VGLL4: variants seen among roughly 807,000 people sequenced by gnomAD.
The protein encoded by VGLL4 is vestigial like family member 4.
A neutral mutation model predicts 21.0 loss-of-function variants in VGLL4; 7 were observed. That is an observed-to-expected ratio of 0.33 (90% CI 0.19 to 0.63). The LOEUF (loss-of-function observed/expected upper bound fraction) is 0.63. Ranked by LOEUF, VGLL4 falls within the 20% of genes least tolerant of loss-of-function variation. VGLL4 has a pLI of 0.78. For missense variants in VGLL4, 394 were observed against 425.7 expected (o/e 0.93, Z 0.66); for synonymous variants, 222 against 173.2 (o/e 1.28, Z -2.21).
chr3:11,643,529 A>G lies in VGLL4; in HGVS notation c.-11T>C. 1.9e-6 allele frequency: 3 copies of G among 1,614,038 alleles called. No individual in the cohort carries two copies. The highest frequency in any genetic ancestry group is 2.5e-6 in the Non-Finnish European group (3 of 1,179,892). On this transcript the variant is annotated 5_prime_UTR_variant, in exon 1 of 5. Transcript: ENST00000430365. ...CTTCATAAATAGCATTTATTGGGCT[A>G]GCAAAGAAAACCAGCTCTTTGCTTT...
At chr3:11,628,648 G>A (rs9841999) in intron 1 of VGLL4, among the ~76,000 whole-genome samples, 67 of 151,430 alleles carry the variant, frequency 4.4e-4, no homozygotes, top group African/African-American at 1.1e-3. Context: ...GTGAAACCCC[G>A]TCTCTACTAA....
At chr3:11,573,316 GAAGAAAGAAAGAAAGAAAGAAAGA>G (rs1286422799) in intron 2 of VGLL4, among the ~76,000 whole-genome samples, 693 of 20,702 alleles carry the variant, frequency 0.033, 14 homozygotes, top group Middle Eastern at 0.089. Context: ...AGGAAGGAAG[GAAGAAAGAAAGAAAGAAAGAAAGA>G]AAGAAAGAAA....
At position 11,650,246 on chromosome 3, in the gene VGLL4, T is replaced by A. The variant is rs79911530; in HGVS notation, c.65-48224A>T. On this transcript the variant is annotated intron_variant, in intron 2 of 5. Coordinates refer to the VGLL4 transcript ENST00000273038. ...CACCACGCCTGGCCCAATAAGTGCT[T>A]TATAAATGTTAATTATGGTTGTGCC... is the stretch of plus-strand genomic sequence containing the variant. Among the ~76,000 whole-genome samples the A allele has an allele frequency of 2.0e-3, 300 of 152,318 alleles. 1 individual carries two copies. Among genetic ancestry groups the A allele is most frequent in the African/African-American group, 6.9e-3 (288 of 41,576 alleles).
chr3:11,625,010 C>T (rs532967069), intron 1 of VGLL4, among the ~76,000 whole-genome samples: 1 of 152,314 alleles, frequency 6.6e-6, no homozygotes, highest in South Asian at 2.1e-4. Context: ...GCAGATCTGC[C>T]TTCTCAAACA....
chr3:11,650,094 CT>C (rs970765381), intron 2 of VGLL4, among the ~76,000 whole-genome samples: 52 of 149,824 alleles, frequency 3.5e-4, no homozygotes, highest in Admixed American at 1.1e-3. Context: ...GTCTGGCTAA[CT>C]TTTTTTTTTA....
chr3:11,666,803 C>A (rs570886720), intron 2 of VGLL4, among the ~76,000 whole-genome samples: 1 of 152,312 alleles, frequency 6.6e-6, no homozygotes, highest in Non-Finnish European at 1.5e-5. Flanking sequence ...AAACTCCAAC[C>A]TTACAAAGAA....
upstream of VGLL4, chr3:11,721,403 T>C (rs1337747951): frequency 6.6e-6 from 1 of 152,198 alleles, no homozygotes; most frequent in Non-Finnish European, 1.5e-5. Flanking sequence ...GGGCCCCTTG[T>C]GAAATGTACT....
chr3:11,561,891 CTTTTTTTT>C (rs35380668), intron 3 of VGLL4, among the ~76,000 whole-genome samples: 8 of 88,608 alleles, frequency 9.0e-5, no homozygotes, highest in East Asian at 3.8e-4. Context: ...CTGCGCCAAA[CTTTTTTTT>C]TTTTTTTTTT....
rs2616541 is a variant in VGLL4, at chr3:11,653,766, C to A, written c.64+49205G>T. Among the ~76,000 whole-genome samples the A allele has an allele frequency of 0.93, 141,891 of 152,294 alleles. 66,215 individuals carry two copies. The highest frequency in any genetic ancestry group is 1 in the East Asian group (5,186 of 5,188). On this transcript the variant is annotated intron_variant, in intron 2 of 5. Coordinates refer to the VGLL4 transcript ENST00000273038. The surrounding 1 kb of genome is among the most constrained non-coding windows in gnomAD (Gnocchi z 4.2). Reference sequence around the variant, plus strand: ...AGGGTATGAGATTTCAAGTTGCTCCCCATCCTTGCCAACAGTTTTCCAACT... The same window carrying A: ...AGGGTATGAGATTTCAAGTTGCTCCACATCCTTGCCAACAGTTTTCCAACT...
At chr3:11,644,845 CAAAAAAAAAA>C (rs11293808), upstream of VGLL4, among the ~76,000 whole-genome samples, 525 of 71,220 alleles carry the variant, frequency 7.4e-3, 4 homozygotes, top group African/African-American at 0.021. Context: ...GACTTTGTCT[CAAAAAAAAAA>C]AAAAAAAAGA....
At chr3:11,573,271 GAAA>G (rs2073870128) in intron 2 of VGLL4, among the ~76,000 whole-genome samples, 6 of 25,488 alleles carry the variant, frequency 2.4e-4, no homozygotes, top group Non-Finnish European at 4.8e-4. Flanking sequence ...AAGAAAGAAA[GAAA>G]GAAAGAAAGA....
intron 2 of VGLL4, chr3:11,582,193 GT>G: frequency 1.4e-6 from 2 of 1,449,542 alleles, no homozygotes; most frequent in Non-Finnish European, 1.9e-6. Flanking sequence ...CTGTCTCGCA[GT>G]TTAAATTAAT....
At chr3:11,668,631 G>A (rs1424260818) in intron 2 of VGLL4, among the ~76,000 whole-genome samples, 3 of 152,190 alleles carry the variant, frequency 2.0e-5, no homozygotes, top group African/African-American at 7.2e-5. Flanking sequence ...AATGGCCACA[G>A]TATAAAGTCC....
chr3:11,709,329 C>G lies in VGLL4; in HGVS notation c.-13-6282G>C, dbSNP rs529070910. On this transcript the variant is annotated intron_variant, in intron 1 of 5. Coordinates refer to the VGLL4 transcript ENST00000273038. ...GCAGGCACCTGTAATCCCAGCTACT[C>G]GGGAGGCTGAGGCAGGAGAATAGCT... 5.8e-3 allele frequency among the ~76,000 whole-genome samples: 866 copies of G among 149,510 alleles called. 6 individuals carry two copies. Among genetic ancestry groups the G allele is most frequent in the Non-Finnish European group, 0.01 (701 of 67,652 alleles).
intron 1 of VGLL4, among the ~76,000 whole-genome samples, chr3:11,714,144 CAG>C (rs2076887617): frequency 6.6e-6 from 1 of 152,170 alleles, no homozygotes; most frequent in East Asian, 1.9e-4. Context: ...TACATCTATA[CAG>C]GCTCTGGGCT....
chr3:11,601,663 T>C (rs905642182), intron 2 of VGLL4, among the ~76,000 whole-genome samples, 170 bp downstream of exon 2: 4 of 152,354 alleles, frequency 2.6e-5, no homozygotes, highest in African/African-American at 9.6e-5. Context: ...GTTATCAAAA[T>C]GAGTTTACTA....
rs944121662 is a variant in VGLL4, at chr3:11,715,058, T to C, written c.-14+5336A>G. Among the ~76,000 whole-genome samples the C allele has an allele frequency of 6.0e-5, 9 of 149,316 alleles. No homozygotes were observed. In the East Asian group the frequency reaches 1.0e-3, roughly 17 times the overall value. ...GCTGAGGCAGGAGAATGGCGTGAAC[T>C]CGGGAGGCGGAGCTTGCAGTGAGCC... is the stretch of plus-strand genomic sequence containing the variant. On this transcript the variant is annotated intron_variant, in intron 1 of 5. Coordinates refer to the VGLL4 transcript ENST00000273038.
intron 2 of VGLL4, among the ~76,000 whole-genome samples, chr3:11,692,311 A>G (rs1311570644): frequency 6.6e-6 from 1 of 152,230 alleles, no homozygotes; most frequent in East Asian, 1.9e-4. Flanking sequence ...AGACACTGGT[A>G]GTAGCTGTCT....
At chr3:11,582,449 G>T (rs2074254569) in intron 2 of VGLL4, 1 of 1,365,810 alleles carries the variant, frequency 7.3e-7, no homozygotes, top group African/African-American at 1.5e-5. Flanking sequence ...GAGGTAAGGG[G>T]CCTGCTTGCC....
Sources: gnomAD v4.1 joint callset for allele counts (sites outside exome capture counted in the v4.1 genomes callset) on GRCh38, gnomAD v4.1.1 for gene constraint, Gnocchi (gnomAD v3.1) non-coding constraint, MANE v1.5 for transcripts, NCBI Gene and HGNC (gene_info 2026-07-23, HGNC 2026-07-21) for gene names.